HLCS: variants seen among roughly 807,000 people sequenced by gnomAD.
HLCS encodes the protein biotin--protein ligase.
A neutral mutation model predicts 75.0 loss-of-function variants in HLCS; 53 were observed. The ratio of observed to expected loss-of-function variants is 0.71; its 90% CI spans 0.57 to 0.89. The LOEUF (loss-of-function observed/expected upper bound fraction) is 0.89. Among genes scored for constraint, HLCS ranks in the 40% least tolerant of loss-of-function variants. HLCS has a pLI of 0.00. For synonymous variants in HLCS, 431 were observed against 428.6 expected (o/e 1.01, Z -0.07); for missense variants, 966 against 1,074.0 (o/e 0.90, Z 1.41).
intron 6 of HLCS, among the ~76,000 whole-genome samples, chr21:36,843,120 C>T (rs2062671624): frequency 1.3e-5 from 2 of 152,212 alleles, no homozygotes; most frequent in African/African-American, 2.4e-5. Flanking sequence ...CATCTTGCCT[C>T]AGGCAAGTTA....
chr21:36,789,382 A>T (rs2060791352), intron 6 of HLCS, among the ~76,000 whole-genome samples: 1 of 152,262 alleles, frequency 6.6e-6, no homozygotes, highest in Non-Finnish European at 1.5e-5. Context: ...CATTCTTTTT[A>T]AATGTAGTTC....
intron 10 of HLCS, among the ~76,000 whole-genome samples, 157 bp from the exon 11 acceptor site, chr21:36,754,574 T>C (rs1289863148): frequency 6.6e-6 from 1 of 152,184 alleles, no homozygotes; most frequent in African/African-American, 2.4e-5. Context: ...GCTCTGACTT[T>C]CTTCCACCCT....
At chr21:36,863,037 T>G (rs1053809319) in intron 6 of HLCS, among the ~76,000 whole-genome samples, 2 of 151,564 alleles carry the variant, frequency 1.3e-5, no homozygotes, top group African/African-American at 4.8e-5. Flanking sequence ...TAGCTGGGAC[T>G]ACATCGCGCC....
chr21:36,868,274 G>GAAAGAAAGAAAGAAAGAAA (rs2063636299), intron 6 of HLCS, among the ~76,000 whole-genome samples: 42 of 135,460 alleles, frequency 3.1e-4, no homozygotes, highest in African/African-American at 1.3e-3. Flanking sequence ...AAGGAAGGAA[G>GAAAGAAAGAAAGAAAGAAA]GAAAGAAAGA....
chr21:36,947,341 A>G, intron 2 of HLCS: 2 of 985,416 alleles, frequency 2.0e-6, no homozygotes, highest in Non-Finnish European at 2.4e-6. Flanking sequence ...ACCTAAGTGC[A>G]TTTCCGTTTT....
chr21:36,757,537 C>T (rs964611612), intron 9 of HLCS, among the ~76,000 whole-genome samples: 1 of 152,104 alleles, frequency 6.6e-6, no homozygotes, highest in African/African-American at 2.4e-5. Flanking sequence ...TGAAATACTG[C>T]AAAAACTAAG....
At chr21:36,885,772 C>T (rs2064426332) in intron 6 of HLCS, among the ~76,000 whole-genome samples, 1 of 152,086 alleles carries the variant, frequency 6.6e-6, no homozygotes, top group Non-Finnish European at 1.5e-5. Context: ...CCCCATGGGT[C>T]CCAGAGCCTC....
chr21:36,911,264 T>A (rs1293565620), intron 5 of HLCS, among the ~76,000 whole-genome samples: 2 of 151,882 alleles, frequency 1.3e-5, no homozygotes, highest in East Asian at 1.9e-4. Flanking sequence ...TCCTGCCCCC[T>A]CCCCTGGCCT....
rs192760043 is a variant in HLCS, at chr21:36,850,333, C to T, written c.1892+46527G>A. On this transcript the variant is annotated intron_variant, in intron 6 of 10. Coordinates refer to ENST00000674895, the MANE Select transcript of HLCS (RefSeq NM_001352514.2). ...AAAAAGGAGAATGGGGAGGCAACTC[C>T]GGGGCAGCTCACCTGTCTGGCCCTG... 4.2e-4 allele frequency among the ~76,000 whole-genome samples: 64 copies of T among 152,328 alleles called. No individual in the cohort carries two copies. The Middle Eastern group carries it at 0.01, about 24-fold the overall frequency.
chr21:36,793,663 TG>T (rs1219835083), intron 6 of HLCS, among the ~76,000 whole-genome samples: 1 of 152,180 alleles, frequency 6.6e-6, no homozygotes, highest in African/African-American at 2.4e-5. Flanking sequence ...GTGAGTAAGC[TG>T]GTAGGATCAA....
At chr21:36,890,239 A>G (rs1411458875) in intron 6 of HLCS, among the ~76,000 whole-genome samples, 2 of 152,186 alleles carry the variant, frequency 1.3e-5, no homozygotes, top group Non-Finnish European at 2.9e-5. Context: ...CTTTATAGCA[A>G]TGTGGAAACA....
At position 36,937,316 on chromosome 21, in the gene HLCS, C is replaced by T. The variant is rs780666266; in HGVS notation, c.570G>A (p.Pro190=). The T allele has an allele frequency of 2.5e-5, 41 of 1,613,986 alleles. No homozygotes were observed. The highest frequency in any genetic ancestry group is 3.2e-5 in the Non-Finnish European group (38 of 1,180,034). Residue 190 remains proline, a synonymous_variant, in exon 4 of 11, where the codon CCG becomes CCA. Transcript: ENST00000674895. ...TAATCTCAAGAGAAGGTTCAGGCTT[C>T]GGCTCTAGGATCTGGGCTTGCTTGT... is the stretch of plus-strand genomic sequence containing the variant. ...VSNKQAQILE[P]KPEPSLEIKP...
chr21:36,766,199 T>C (rs114194781), intron 7 of HLCS, among the ~76,000 whole-genome samples: 1 of 151,864 alleles, frequency 6.6e-6, no homozygotes, highest in Non-Finnish European at 1.5e-5. Flanking sequence ...GATTTTTGTA[T>C]TTTTTTTAAG....
intron 6 of HLCS, among the ~76,000 whole-genome samples, chr21:36,813,757 C>T (rs1041654790): frequency 1.1e-4 from 16 of 152,178 alleles, no homozygotes; most frequent in Admixed American, 9.2e-4. Flanking sequence ...CAAACTCCAT[C>T]ATCTGGAAGT....
intron 6 of HLCS, among the ~76,000 whole-genome samples, chr21:36,868,051 T>TGAGGC (rs2063619616): frequency 6.6e-6 from 1 of 151,908 alleles, no homozygotes; most frequent in South Asian, 2.1e-4. Context: ...ACTTGGAGGC[T>TGAGGC]GAGGCAGGAG....
At chr21:36,766,064 G>A (rs2090019444) in intron 7 of HLCS, among the ~76,000 whole-genome samples, 1 of 152,136 alleles carries the variant, frequency 6.6e-6, no homozygotes, top group African/African-American at 2.4e-5. Context: ...TTTTGAGACA[G>A]GGTCTTGCTC....
intron 5 of HLCS, among the ~76,000 whole-genome samples, chr21:36,906,331 C>G (rs2065453837): frequency 6.6e-6 from 1 of 152,038 alleles, no homozygotes; most frequent in South Asian, 2.1e-4. Flanking sequence ...AATTTGACAC[C>G]AGCTTGGGCA....
Position 36,785,232 on chromosome 21 carries a change from G to A in HLCS, c.1893-17947C>T, listed in dbSNP as rs1197820577. Among the ~76,000 whole-genome samples, 6 of 152,002 alleles carry A rather than the reference G, an allele frequency of 3.9e-5. 1 individual carries two copies. Among genetic ancestry groups the A allele is most frequent in the Non-Finnish European group, 7.4e-5 (5 of 68,004 alleles). On this transcript the variant is annotated intron_variant, in intron 6 of 10. Coordinates refer to ENST00000674895, the MANE Select transcript of HLCS (RefSeq NM_001352514.2). ...CGCCCTGCCAGAGATCAACCAACAC[G>A]CCAGAGCTCGTTTGCCGGGATGCTT...
chr21:36,887,690 A>T (rs368940054), intron 6 of HLCS, among the ~76,000 whole-genome samples: 1 of 152,256 alleles, frequency 6.6e-6, no homozygotes, highest in East Asian at 1.9e-4. Flanking sequence ...GGTTTCTTAA[A>T]ATTCTCCAAT....
Sources: gnomAD v4.1 joint callset for allele counts (sites outside exome capture counted in the v4.1 genomes callset) on GRCh38, gnomAD v4.1.1 for gene constraint, MANE v1.5 for transcripts, NCBI Gene and HGNC (gene_info 2026-07-23, HGNC 2026-07-21) for gene names.